IGF1R: variants seen among roughly 807,000 people sequenced by gnomAD.
The protein encoded by IGF1R is insulin-like growth factor 1 receptor.
IGF1R carries 44 observed loss-of-function variants against 144.6 expected under a neutral mutation model. That is an observed-to-expected ratio of 0.30 (90% confidence interval 0.24 to 0.39). IGF1R has a LOEUF of 0.39. Among genes scored for constraint, IGF1R ranks in the 10% least tolerant of loss-of-function variants. The probability of loss-of-function intolerance (pLI) is 1.00; values close to 1 mark genes in which losing one functional copy is unlikely to be tolerated. For synonymous variants in IGF1R, 795 were observed against 722.8 expected, an observed-to-expected ratio of 1.10 and a Z score of -1.60; for missense variants, 1,355 against 1,833.7, an observed-to-expected ratio of 0.74 and a Z score of 4.77.
intron 17 of IGF1R, among the ~76,000 whole-genome samples, chr15:98,938,235 G>T (rs1018760818): frequency 3.3e-5 from 5 of 152,224 alleles, no homozygotes; most frequent in African/African-American, 1.2e-4. Context: ...GAAAAGCCTG[G>T]GCATGCTCAG....
chr15:98,761,950 A>T (rs2055307857), intron 2 of IGF1R, among the ~76,000 whole-genome samples: 1 of 152,240 alleles, frequency 6.6e-6, no homozygotes, highest in Non-Finnish European at 1.5e-5. Flanking sequence ...GGAGAAACAG[A>T]CAAATCATAC....
At chr15:98,650,453 G>C (rs1041160655) in intron 1 of IGF1R, among the ~76,000 whole-genome samples, 1 of 152,218 alleles carries the variant, frequency 6.6e-6, no homozygotes, top group Non-Finnish European at 1.5e-5. Context: ...GTCTCTTCCG[G>C]GGAGCGCCAC....
At chr15:98,722,422 C>T (rs1216503950) in intron 2 of IGF1R, among the ~76,000 whole-genome samples, 1 of 152,148 alleles carries the variant, frequency 6.6e-6, no homozygotes, top group Non-Finnish European at 1.5e-5. Context: ...GCCCTCGACT[C>T]GTGAATGAGT....
At chr15:98,906,540 A>G (rs566597537) in intron 5 of IGF1R, among the ~76,000 whole-genome samples, 97 of 152,326 alleles carry the variant, frequency 6.4e-4, no homozygotes, top group Admixed American at 1.1e-3. Context: ...TCTGACCTCC[A>G]GCAGTGTCAC....
rs566758406 is a variant in IGF1R at position 98,808,415 on chromosome 15, T to A, written c.641-82910T>A. ...TTTTTTAATATTGGCTATGTAGTGA[T>A]TTTGCATTGAACTGTGATATAAGAA... On this transcript the variant is annotated intron_variant, in intron 2 of 20. Transcript: ENST00000650285. Among the ~76,000 whole-genome samples, 3 of 152,326 alleles carry A rather than the reference T, an allele frequency of 2.0e-5. No individual in the cohort carries two copies. The South Asian group carries it at 6.2e-4, about 32-fold the overall frequency.
chr15:98,769,658 G>A (rs1016828038), intron 2 of IGF1R, among the ~76,000 whole-genome samples: 3 of 152,224 alleles, frequency 2.0e-5, no homozygotes, highest in African/African-American at 4.8e-5. Flanking sequence ...TTGATTGCTG[G>A]CATTTGTGAG....
At chr15:98,782,304 CATCTT>C (rs2055878124) in intron 2 of IGF1R, among the ~76,000 whole-genome samples, 1 of 152,056 alleles carries the variant, frequency 6.6e-6, no homozygotes, top group Admixed American at 6.5e-5. Context: ...AAGTGGAAAA[CATCTT>C]ATTTTAATCA....
intron 2 of IGF1R, among the ~76,000 whole-genome samples, chr15:98,830,366 C>CTG (rs1353575172): frequency 6.6e-6 from 1 of 152,218 alleles, no homozygotes; most frequent in East Asian, 1.9e-4. Flanking sequence ...GACACTGGCA[C>CTG]TGGGGAAGCC....
At chr15:98,787,072 A>AGG (rs2056015450) in intron 2 of IGF1R, among the ~76,000 whole-genome samples, 2 of 152,124 alleles carry the variant, frequency 1.3e-5, no homozygotes, top group Non-Finnish European at 2.9e-5. Context: ...GCCCCTTCGT[A>AGG]ATTGGTCATG....
chr15:98,948,938 G>T (rs565913300), intron 20 of IGF1R, among the ~76,000 whole-genome samples: 2 of 152,170 alleles, frequency 1.3e-5, no homozygotes, highest in South Asian at 2.1e-4. Flanking sequence ...CTTTCGTTCC[G>T]ATTTGCAGTT....
Position 98,778,024 on chromosome 15 carries a change from A to G in IGF1R, c.640+69917A>G, listed in dbSNP as rs546330882. ...ATTTATTGAGCACCTACTGCATGACAGAGTGTTCAGCAATGACAATGCAGA... is the reference window on the plus strand; with the variant it reads ...ATTTATTGAGCACCTACTGCATGACGGAGTGTTCAGCAATGACAATGCAGA... On this transcript the variant is annotated intron_variant, in intron 2 of 20. Transcript: ENST00000650285. Among the ~76,000 whole-genome samples the G allele has an allele frequency of 8.5e-5, 13 of 152,352 alleles. No homozygotes were observed. The South Asian group carries it at 2.7e-3, about 32-fold the overall frequency.
chr15:98,809,112 C>T (rs4965435), intron 2 of IGF1R, among the ~76,000 whole-genome samples: 134,271 of 152,224 alleles, frequency 0.88, 60,641 homozygotes, highest in Non-Finnish European at 0.97. Flanking sequence ...AAAACCCTGA[C>T]GAGGTCTATA....
At chr15:98,677,342 T>C (rs536553076) in intron 1 of IGF1R, among the ~76,000 whole-genome samples, 3 of 152,356 alleles carry the variant, frequency 2.0e-5, no homozygotes, top group South Asian at 2.1e-4. Flanking sequence ...TTATTCGTTA[T>C]AATAGTCTTT....
chr15:98,682,311 G>A (rs1002138056), intron 1 of IGF1R, among the ~76,000 whole-genome samples: 1 of 152,302 alleles, frequency 6.6e-6, no homozygotes, highest in African/African-American at 2.4e-5. Flanking sequence ...TTTGCTGAGG[G>A]TGTTCCTGTA....
At chr15:98,793,591 A>C (rs1182651903) in intron 2 of IGF1R, among the ~76,000 whole-genome samples, 2 of 152,236 alleles carry the variant, frequency 1.3e-5, no homozygotes, top group African/African-American at 2.4e-5. Context: ...TTGAAGTGAC[A>C]GTTTAGATGT....
intron 2 of IGF1R, among the ~76,000 whole-genome samples, chr15:98,853,447 G>T (rs1259042842): frequency 6.6e-6 from 1 of 152,164 alleles, no homozygotes; most frequent in African/African-American, 2.4e-5. Context: ...AGCAGGAAGC[G>T]CAGGCAAAAT....
chr15:98,782,752 G>T (rs1750793311), intron 2 of IGF1R, among the ~76,000 whole-genome samples: 1 of 152,126 alleles, frequency 6.6e-6, no homozygotes, highest in African/African-American at 2.4e-5. Context: ...AAATAGTCTT[G>T]TTCCTTCAGA....
At chr15:98,734,282 A>G (rs2054562586) in intron 2 of IGF1R, among the ~76,000 whole-genome samples, 3 of 152,166 alleles carry the variant, frequency 2.0e-5, no homozygotes, top group African/African-American at 7.2e-5. Context: ...AGGACATGCC[A>G]ATGTTTTTTT....
At chr15:98,759,554 C>T (rs1000953770) in intron 2 of IGF1R, among the ~76,000 whole-genome samples, 1 of 152,222 alleles carries the variant, frequency 6.6e-6, no homozygotes, top group Non-Finnish European at 1.5e-5. Flanking sequence ...GAAATAGCTT[C>T]ATGTCCTTGC....
Sources: allele counts gnomAD v4.1 joint callset (sites outside exome capture counted in the v4.1 genomes callset), GRCh38; gene constraint gnomAD v4.1.1; transcripts MANE v1.5; gene names NCBI Gene and HGNC (gene_info 2026-07-23, HGNC 2026-07-21).